The following CD46 variants were observed in gnomAD, a reference collection of about 807,000 sequenced individuals.
CD46 encodes CD46 molecule.
CD46 carries 30 observed loss-of-function variants against 53.3 expected under a neutral mutation model. That is an observed-to-expected ratio of 0.56 (90% CI 0.42 to 0.76). The LOEUF is 0.76. CD46 is among the 30% of genes least tolerant of loss of function. CD46 has a pLI of 0.00. For missense variants in CD46, 409 were observed against 463.0 expected, an observed-to-expected ratio of 0.88 and a Z score of 1.07; for synonymous variants, 142 against 152.0, an observed-to-expected ratio of 0.93 and a Z score of 0.48.
Position 207,752,440 on chromosome 1 carries a change from C to G in CD46, c.97+131C>G, listed in dbSNP as rs1655025127. The G allele has an allele frequency of 1.2e-6, 1 of 861,968 alleles. No homozygotes were observed. The highest frequency in any genetic ancestry group is 1.6e-5 in the African/African-American group (1 of 60,684). The allele number at this position is 861,968 out of a possible 1,614,324, so 53.4% of individuals were successfully genotyped here. ...ACAGGGTTCTCTGAGGGGTGCAGTG[C>G]TCAGATCCCGGGGGTATGTGGCGGG... On this transcript the variant is annotated intron_variant, in intron 1 of 12. Transcript: ENST00000367042. The surrounding 1 kb of genome is among the most constrained non-coding windows in gnomAD (Gnocchi z 4.1).
At chr1:207,776,640 C>T (rs1364191439) in intron 8 of CD46, among the ~76,000 whole-genome samples, 1 of 151,940 alleles carries the variant, frequency 6.6e-6, no homozygotes, top group Non-Finnish European at 1.5e-5. Context: ...TTTGTTTTTG[C>T]TTTTTTGAGA....
At chr1:207,775,322 G>A (rs915021343) in intron 8 of CD46, among the ~76,000 whole-genome samples, 1 of 152,126 alleles carries the variant, frequency 6.6e-6, no homozygotes, top group Non-Finnish European at 1.5e-5. Context: ...AGATGGGTTA[G>A]AACATCTTAG....
intron 6 of CD46, 39 bp downstream of exon 6, chr1:207,767,234 G>A (rs773563367): frequency 1.3e-6 from 2 of 1,522,238 alleles, no homozygotes; most frequent in South Asian, 2.2e-5. Context: ...GTTTGTTATT[G>A]TTGTTGCTGT....
Position 207,767,594 on chromosome 1 carries a change from T to C in CD46, c.857-185T>C, listed in dbSNP as rs376519984. On this transcript the variant is annotated intron_variant, in intron 6 of 12. Transcript: ENST00000367042. ...CCAAGTGGTTGATCTTCTAACATTA[T>C]TTTGTTTCCTAGTGCTGCCTCCATC... 1.2e-5 allele frequency: 20 copies of C among 1,607,198 alleles called. No individual in the cohort carries two copies. The highest frequency in any genetic ancestry group is 1.5e-5 in the Non-Finnish European group (18 of 1,174,038).
intron 8 of CD46, among the ~76,000 whole-genome samples, chr1:207,779,507 G>C (rs4620548): frequency 6.6e-6 from 1 of 152,032 alleles, no homozygotes; most frequent in African/African-American, 2.4e-5. Flanking sequence ...TCTCCTATCA[G>C]AGGTCATTTA....
intron 12 of CD46, among the ~76,000 whole-genome samples, chr1:207,792,153 G>C (rs1332190905): frequency 6.6e-6 from 1 of 152,104 alleles, no homozygotes; most frequent in Non-Finnish European, 1.5e-5. Context: ...GTGCACACCT[G>C]TAATCCTAGC....
chr1:207,775,601 T>TTCCAACAG (rs113704335), intron 8 of CD46, among the ~76,000 whole-genome samples: 251 of 152,326 alleles, frequency 1.6e-3, no homozygotes, highest in Middle Eastern at 6.8e-3. Context: ...TGTGTTTTCC[T>TTCCAACAG]TCCAACAGTC....
chr1:207,755,995 G>A (rs11118516), intron 1 of CD46, among the ~76,000 whole-genome samples: 12,582 of 152,186 alleles, frequency 0.083, 694 homozygotes, highest in East Asian at 0.28. Flanking sequence ...AAACACAAAA[G>A]CATGTGATAG....
chr1:207,758,314 A>G (rs1655799778), intron 3 of CD46, among the ~76,000 whole-genome samples: 1 of 152,222 alleles, frequency 6.6e-6, no homozygotes, highest in African/African-American at 2.4e-5. Context: ...TATTTGGCTC[A>G]TATTTCTGGA....
intron 8 of CD46, among the ~76,000 whole-genome samples, chr1:207,773,407 T>G (rs914125995): frequency 6.6e-6 from 1 of 152,246 alleles, no homozygotes; most frequent in African/African-American, 2.4e-5. Context: ...AGTTCTGCTC[T>G]GATCTTAGTT....
intron 8 of CD46, among the ~76,000 whole-genome samples, chr1:207,781,055 A>T (rs761965331): frequency 6.6e-6 from 1 of 151,306 alleles, no homozygotes; most frequent in Non-Finnish European, 1.5e-5. Context: ...CACCTCTTAA[A>T]GGCGCCACCC....
At chr1:207,770,263 C>A in intron 7 of CD46, 58 bp from the exon 8 acceptor site, 1 of 1,210,828 alleles carries the variant, frequency 8.3e-7, no homozygotes, top group Non-Finnish European at 1.2e-6. Flanking sequence ...AAATTAAAGT[C>A]ATAATTTTAT....
chr1:207,783,287 C>G lies in CD46; in HGVS notation c.944-5C>G, dbSNP rs756996915. Reference sequence around the variant, plus strand: ...ATTTAATCTATATTTCTTCTTTTTTCCTAGGATATCCTAAACCTGAGGAAG... The same window carrying G: ...ATTTAATCTATATTTCTTCTTTTTTGCTAGGATATCCTAAACCTGAGGAAG... On this transcript the variant is annotated splice_region_variant and splice_polypyrimidine_tract_variant and intron_variant, in intron 8 of 12. Coordinates refer to ENST00000367042, the MANE Select transcript of CD46 (RefSeq NM_172351.3). 2.8e-6 allele frequency: 4 copies of G among 1,451,624 alleles called. No individual in the cohort carries two copies. In the South Asian group the frequency reaches 4.7e-5, roughly 17 times the overall value. The allele number at this position is 1,451,624 out of a possible 1,614,324, so 89.9% of individuals were successfully genotyped here.
intron 8 of CD46, among the ~76,000 whole-genome samples, chr1:207,780,732 G>GT (rs1016177651): frequency 1.1e-4 from 17 of 152,134 alleles, no homozygotes; most frequent in African/African-American, 1.7e-4. Flanking sequence ...TTATTAAATT[G>GT]TTTTTTTAGT....
chr1:207,772,589 A>C (rs1020040533), intron 8 of CD46, among the ~76,000 whole-genome samples: 3 of 152,156 alleles, frequency 2.0e-5, no homozygotes, highest in African/African-American at 7.2e-5. Context: ...TACCTAGTTT[A>C]TTGAGAGTTT....
At position 207,793,753 on chromosome 1, in the gene CD46, T is replaced by A; in HGVS notation, c.*276T>A. The A allele has an allele frequency of 1.4e-6, 1 of 705,126 alleles. No individual in the cohort carries two copies. Among genetic ancestry groups the A allele is most frequent in the Middle Eastern group, 2.5e-4 (1 of 4,006 alleles). 43.7% of individuals were successfully genotyped at this position (705,126 alleles called of 1,614,324 possible). A position where few individuals can be genotyped will look rare whatever the true frequency, so the allele number is the denominator to read the frequency against. ...CATCCTTTGATGCTTCTTTGAAACT[T>A]GTATGAATTTGGGTATGAACAGATT... On this transcript the variant is annotated 3_prime_UTR_variant, in exon 13 of 13. Transcript: ENST00000367042.
At chr1:207,786,396 T>C (rs1659275145) in intron 11 of CD46, among the ~76,000 whole-genome samples, 1 of 152,062 alleles carries the variant, frequency 6.6e-6, no homozygotes, top group African/African-American at 2.4e-5. Context: ...AGAAGAAAAA[T>C]GTACAAGTAC....
intron 3 of CD46, among the ~76,000 whole-genome samples, chr1:207,759,293 G>A (rs1571586925): frequency 2.0e-5 from 3 of 152,194 alleles, no homozygotes; most frequent in East Asian, 3.8e-4. Flanking sequence ...TCTAGGGCCT[G>A]TTCTCTCTAC....
chr1:207,770,871 A>C (rs553882389), intron 8 of CD46, among the ~76,000 whole-genome samples: 5 of 152,226 alleles, frequency 3.3e-5, no homozygotes, highest in Non-Finnish European at 5.9e-5. Context: ...ATACGTGTGC[A>C]TGTGTCTTTA....
Sources: allele counts gnomAD v4.1 joint callset (sites outside exome capture counted in the v4.1 genomes callset), GRCh38; gene constraint gnomAD v4.1.1; non-coding constraint Gnocchi (gnomAD v3.1); transcripts MANE v1.5; gene names NCBI Gene and HGNC (gene_info 2026-07-23, HGNC 2026-07-21).